The following SAMD4A variants were observed in gnomAD, a reference collection of about 807,000 sequenced individuals.
SAMD4A encodes the protein sterile alpha motif domain containing 4A.
SAMD4A carries 33 observed loss-of-function variants against 81.3 expected under a neutral mutation model. The observed-to-expected ratio is 0.41, with a 90% CI of 0.31 to 0.54. The LOEUF (loss-of-function observed/expected upper bound fraction) is 0.54. Ranked by LOEUF, SAMD4A falls within the 20% of genes least tolerant of loss-of-function variation. The pLI is 0.37. For synonymous variants in SAMD4A, 389 were observed against 382.1 expected (o/e 1.02, Z -0.21); for missense variants, 854 against 951.1 (o/e 0.90, Z 1.34).
At chr14:54,617,815 C>T (rs1286506380) in intron 2 of SAMD4A, among the ~76,000 whole-genome samples, 1 of 152,110 alleles carries the variant, frequency 6.6e-6, no homozygotes, top group Non-Finnish European at 1.5e-5. Flanking sequence ...CCATGCCTAG[C>T]TTGTGAATTT....
Position 54,790,685 on chromosome 14 carries a change from T to G in SAMD4A, c.*1741T>G, listed in dbSNP as rs73276819. 5,616 of 146,724 alleles carry G rather than the reference T, an allele frequency of 0.038. 322 individuals are homozygous for G. Among genetic ancestry groups the G allele is most frequent in the African/African-American group, 0.13 (5,237 of 40,868 alleles). 9.1% of individuals were successfully genotyped at this position (146,724 alleles called of 1,614,324 possible). A position where few individuals can be genotyped will look rare whatever the true frequency, so the allele number is the denominator to read the frequency against. Reference sequence around the variant, plus strand: ...TCGGGTGCCTGGTTGTGTGTGTGTGTGTGTGTGTGTGTGTGTGTGTGTGAA... The same window carrying G: ...TCGGGTGCCTGGTTGTGTGTGTGTGGGTGTGTGTGTGTGTGTGTGTGTGAA... On this transcript the variant is annotated 3_prime_UTR_variant, in exon 13 of 13. Transcript: ENST00000554335.
Position 54,621,884 on chromosome 14 carries a change from G to C in SAMD4A, c.196+53772G>C, listed in dbSNP as rs147329654. ...TCTGTTAATGCCAGCAAAGCAGGAG[G>C]GGGGAGTGTTTTGGGGAGAAACAAC... On this transcript the variant is annotated intron_variant, in intron 2 of 12. Transcript: ENST00000554335. Among the ~76,000 whole-genome samples the C allele has an allele frequency of 3.0e-3, 457 of 152,278 alleles. 8 individuals are homozygous for C. The highest frequency in any genetic ancestry group is 7.8e-3 in the African/African-American group (326 of 41,550).
At chr14:54,662,345 G>A (rs2035660172) in intron 2 of SAMD4A, among the ~76,000 whole-genome samples, 1 of 152,002 alleles carries the variant, frequency 6.6e-6, no homozygotes, top group Admixed American at 6.6e-5. Flanking sequence ...ACATTAAAGA[G>A]TGTATGATTA....
chr14:54,766,001 G>A (rs550809391), intron 8 of SAMD4A, among the ~76,000 whole-genome samples: 3 of 152,236 alleles, frequency 2.0e-5, no homozygotes, highest in Admixed American at 6.5e-5. Flanking sequence ...GTGACCAGCC[G>A]CCTAGGTTGG....
Position 54,752,161 on chromosome 14 carries a change from A to T in SAMD4A, c.1176+624A>T, listed in dbSNP as rs550857160. On this transcript the variant is annotated intron_variant, in intron 6 of 12. Coordinates refer to ENST00000554335, the MANE Select transcript of SAMD4A (RefSeq NM_015589.6). ...CTGAAAAAAGTTTATTCCAACGTTA[A>T]AAGCAGTGATCAGCTGCCTACTGTC... 2.0e-5 allele frequency among the ~76,000 whole-genome samples: 3 copies of T among 152,348 alleles called. No individual in the cohort carries two copies. The South Asian group carries it at 6.2e-4, about 32-fold the overall frequency.
chr14:54,693,025 C>A (rs1566588514), intron 2 of SAMD4A: 1 of 152,026 alleles, frequency 6.6e-6, no homozygotes, highest in African/African-American at 2.4e-5. Context: ...ACGAAGATTA[C>A]TTTAATGGGT....
At chr14:54,681,742 C>CT (rs148253089) in intron 2 of SAMD4A, 15,629 of 978,316 alleles carry the variant, frequency 0.016, 304 homozygotes, top group East Asian at 0.092. Context: ...TTTTAGAAAA[C>CT]TTTTTTATTT....
intron 3 of SAMD4A, among the ~76,000 whole-genome samples, chr14:54,726,327 C>T (rs2037414849): frequency 6.6e-6 from 1 of 152,088 alleles, no homozygotes; most frequent in Admixed American, 6.5e-5. Flanking sequence ...GCCCAGGTAT[C>T]ATTTGGATTG....
At chr14:54,605,993 A>G (rs1256039767) in intron 2 of SAMD4A, among the ~76,000 whole-genome samples, 1 of 152,210 alleles carries the variant, frequency 6.6e-6, no homozygotes, top group Non-Finnish European at 1.5e-5. Flanking sequence ...CTTAGAATAA[A>G]ACAATAATCA....
intron 2 of SAMD4A, among the ~76,000 whole-genome samples, chr14:54,596,455 C>T (rs934331132): frequency 2.0e-5 from 3 of 152,038 alleles, no homozygotes; most frequent in Admixed American, 6.6e-5. Flanking sequence ...CATGGTGGTG[C>T]GTGCCTGTAA....
intron 2 of SAMD4A, among the ~76,000 whole-genome samples, chr14:54,639,250 C>T (rs1022919300): frequency 1.3e-4 from 20 of 152,320 alleles, no homozygotes; most frequent in South Asian, 2.1e-4. Flanking sequence ...CGTGGGGGCA[C>T]GAAATAACCG....
At chr14:54,683,558 C>T (rs956471503) in intron 2 of SAMD4A, among the ~76,000 whole-genome samples, 1 of 152,150 alleles carries the variant, frequency 6.6e-6, no homozygotes, top group African/African-American at 2.4e-5. Flanking sequence ...CCCTTCCTGG[C>T]AGAGCTCTGA....
intron 2 of SAMD4A, among the ~76,000 whole-genome samples, chr14:54,669,868 T>C (rs927749232): frequency 6.6e-6 from 1 of 152,168 alleles, no homozygotes; most frequent in Admixed American, 6.5e-5. Context: ...CGAATAATAT[T>C]CCAGATTCTA....
chr14:54,620,036 A>G (rs1224711758), intron 2 of SAMD4A, among the ~76,000 whole-genome samples: 3 of 151,890 alleles, frequency 2.0e-5, no homozygotes, highest in Admixed American at 1.3e-4. Context: ...CATTTCTTCT[A>G]CCAGTCATCC....
chr14:54,747,444 C>T (rs1167571422), intron 4 of SAMD4A, among the ~76,000 whole-genome samples: 1 of 152,186 alleles, frequency 6.6e-6, no homozygotes, highest in African/African-American at 2.4e-5. Flanking sequence ...TCAGAATAGT[C>T]CAGGCCTCTT....
At chr14:54,630,093 G>A in intron 2 of SAMD4A, among the ~76,000 whole-genome samples, 1 of 152,156 alleles carries the variant, frequency 6.6e-6, no homozygotes, top group East Asian at 1.9e-4. Flanking sequence ...GGACACTTGG[G>A]TTGCTTCCAC....
At position 54,710,958 on chromosome 14, in the gene SAMD4A, G is replaced by A. The variant is rs139774815; in HGVS notation, c.715+8378G>A. Among the ~76,000 whole-genome samples the A allele has an allele frequency of 1.6e-3, 249 of 152,278 alleles. 2 individuals are homozygous for A. The highest frequency in any genetic ancestry group is 5.7e-3 in the African/African-American group (238 of 41,566). On this transcript the variant is annotated intron_variant, in intron 3 of 12. Coordinates refer to ENST00000554335, the MANE Select transcript of SAMD4A (RefSeq NM_015589.6). The stretch of plus-strand genomic sequence containing the variant: ...GCAGTGGCAGAGCACCTTGTTGGAC[G>A]ATGGCCGTCTCTTGCTAAGCCCAGA...
At position 54,764,488 on chromosome 14, in the gene SAMD4A, A is replaced by G; in HGVS notation, c.1544A>G (p.Glu515Gly). 1 of 1,612,662 alleles carries G rather than the reference A, an allele frequency of 6.2e-7. No individual in the cohort carries two copies. Among genetic ancestry groups the G allele is most frequent in the Non-Finnish European group, 8.5e-7 (1 of 1,178,964 alleles). The change falls in exon 8 of 13, where the codon GAG becomes GGG. Residue 515 changes from glutamate (E) to glycine (G), a missense_variant. Physicochemically the swap from Glu to Gly is moderately conservative, Grantham distance 98. Transcript: ENST00000554335. ...CAGCTCTTGGTCTCCAGACCTGATG[A>G]GGAAAATATAAGTTCCTATTTACAG... is the stretch of plus-strand genomic sequence containing the variant. ...CTQLLVSRPD[E>G]ENISSYLQLI...
intron 11 of SAMD4A, among the ~76,000 whole-genome samples, chr14:54,777,728 C>T (rs1449858501): frequency 6.6e-6 from 1 of 152,040 alleles, no homozygotes; most frequent in Non-Finnish European, 1.5e-5. Context: ...CTGGAGGACA[C>T]ACTGCTGGGA....
Sources: gnomAD v4.1 joint callset for allele counts (sites outside exome capture counted in the v4.1 genomes callset) on GRCh38, gnomAD v4.1.1 for gene constraint, MANE v1.5 for transcripts, NCBI Gene and HGNC (gene_info 2026-07-23, HGNC 2026-07-21) for gene names.